DIP2C: variants seen among roughly 807,000 people sequenced by gnomAD.
DIP2C encodes the protein disco-interacting protein 2 homolog C.
Under a neutral mutation model 192.4 loss-of-function variants are expected in DIP2C, and 33 were observed. That is an observed-to-expected ratio of 0.17 (90% CI 0.13 to 0.23). The LOEUF (loss-of-function observed/expected upper bound fraction) is 0.23. DIP2C is among the 10% of genes least tolerant of loss of function. The pLI is 1.00. For missense variants in DIP2C, 1,537 were observed against 2,110.1 expected (o/e 0.73, Z 5.32); for synonymous variants, 979 against 864.1 (o/e 1.13, Z -2.33).
intron 1 of DIP2C, among the ~76,000 whole-genome samples, chr10:526,990 T>C (rs1295846188): frequency 6.6e-6 from 1 of 152,154 alleles, no homozygotes; most frequent in Non-Finnish European, 1.5e-5. Context: ...TAGGCCTCAG[T>C]AGGTGGAGGC....
intron 1 of DIP2C, among the ~76,000 whole-genome samples, chr10:679,213 C>G (rs1371677442): frequency 1.2e-4 from 2 of 16,512 alleles, no homozygotes; most frequent in African/African-American, 1.5e-4. Flanking sequence ...GCGCCCATCT[C>G]TACTCCCCAC....
intron 1 of DIP2C, among the ~76,000 whole-genome samples, chr10:543,581 T>TATAGTATGG (rs1848120080): frequency 6.6e-6 from 1 of 152,230 alleles, no homozygotes; most frequent in African/African-American, 2.4e-5. Context: ...GGCTGTAACA[T>TATAGTATGG]ATAGTATGGA....
intron 1 of DIP2C, among the ~76,000 whole-genome samples, chr10:587,572 C>T (rs1364664333): frequency 6.6e-6 from 1 of 152,118 alleles, no homozygotes; most frequent in Non-Finnish European, 1.5e-5. Context: ...TCGCTTCAGC[C>T]CTGACCCTCC....
At chr10:379,255 C>CA (rs1962093731) in intron 17 of DIP2C, among the ~76,000 whole-genome samples, 1 of 150,052 alleles carries the variant, frequency 6.7e-6, no homozygotes, top group Non-Finnish European at 1.5e-5. Flanking sequence ...CCCGCTACCC[C>CA]ACCCCAACCC....
chr10:543,051 T>A (rs576397882), intron 1 of DIP2C, among the ~76,000 whole-genome samples: 1 of 152,134 alleles, frequency 6.6e-6, no homozygotes, highest in African/African-American at 2.4e-5. Flanking sequence ...GTCAGAAACA[T>A]TGAGTGATGA....
At chr10:415,450 T>C (rs546338552) in intron 7 of DIP2C, among the ~76,000 whole-genome samples, 1 of 152,260 alleles carries the variant, frequency 6.6e-6, no homozygotes, top group East Asian at 1.9e-4. Flanking sequence ...AGCGAAGGAT[T>C]TCCCCAGTTT....
At chr10:334,987 G>C (rs1297720094) in intron 29 of DIP2C, among the ~76,000 whole-genome samples, 1 of 152,130 alleles carries the variant, frequency 6.6e-6, no homozygotes, top group Non-Finnish European at 1.5e-5. Context: ...AGCCTGCCAA[G>C]ATTTTGGTAG....
At chr10:342,608 G>A (rs1958211862) in intron 28 of DIP2C, among the ~76,000 whole-genome samples, 1 of 152,200 alleles carries the variant, frequency 6.6e-6, no homozygotes, top group Non-Finnish European at 1.5e-5. Flanking sequence ...AAGACCTGCT[G>A]GGTGGCTCAG....
chr10:298,970 AGATTT>A (rs1199785158), intron 32 of DIP2C, among the ~76,000 whole-genome samples: 4 of 152,240 alleles, frequency 2.6e-5, no homozygotes, highest in Non-Finnish European at 4.4e-5. Flanking sequence ...AAATAATTAT[AGATTT>A]GATATGTTTA....
chr10:492,620 G>A (rs4881346), intron 1 of DIP2C, among the ~76,000 whole-genome samples: 2,212 of 152,210 alleles, frequency 0.015, 89 homozygotes, highest in East Asian at 0.12. Context: ...ACACACACAC[G>A]CACACAAATA....
At chr10:568,554 TCAGGAGATCGAGAC>T (rs1292323898) in intron 1 of DIP2C, among the ~76,000 whole-genome samples, 1 of 151,600 alleles carries the variant, frequency 6.6e-6, no homozygotes, top group African/African-American at 2.4e-5. Flanking sequence ...GATCATGAGG[TCAGGAGATCGAGAC>T]CATCCTGGCT....
At chr10:649,893 G>A in intron 1 of DIP2C, 1 of 563,322 alleles carries the variant, frequency 1.8e-6, no homozygotes, top group South Asian at 2.1e-5. Flanking sequence ...GTCCCCTTGT[G>A]GGGGGGTGCC....
At chr10:387,678 T>G (rs1963083372) in intron 14 of DIP2C, 67 bp downstream of exon 14, 1 of 1,340,698 alleles carries the variant, frequency 7.5e-7, no homozygotes, top group Non-Finnish European at 1.0e-6. Context: ...GGGACTCCTG[T>G]GTGGACAGGC....
chr10:316,923 G>C (rs879010487), intron 31 of DIP2C, among the ~76,000 whole-genome samples: 5 of 152,128 alleles, frequency 3.3e-5, no homozygotes, highest in Admixed American at 2.6e-4. Flanking sequence ...TTTCTCCTAG[G>C]AAGAAATGTA....
At chr10:506,023 T>C (rs760081123) in intron 1 of DIP2C, among the ~76,000 whole-genome samples, 35 of 152,100 alleles carry the variant, frequency 2.3e-4, no homozygotes, top group Non-Finnish European at 4.0e-4. Context: ...AAGGAGGTTG[T>C]GACATCTACA....
At chr10:328,211 C>T (rs571914846) in intron 30 of DIP2C, among the ~76,000 whole-genome samples, 3 of 152,320 alleles carry the variant, frequency 2.0e-5, no homozygotes, top group African/African-American at 7.2e-5. Context: ...CAGAGTTAAA[C>T]AGGAAAAACT....
At chr10:300,680 G>A (rs1176228415) in intron 32 of DIP2C, among the ~76,000 whole-genome samples, 1 of 145,076 alleles carries the variant, frequency 6.9e-6, no homozygotes, top group East Asian at 2.1e-4. Context: ...CTGAGCGTGT[G>A]GAGAAGCCGG....
intron 22 of DIP2C, among the ~76,000 whole-genome samples, chr10:358,268 C>T (rs1959171712): frequency 6.6e-6 from 1 of 151,706 alleles, no homozygotes; most frequent in South Asian, 2.1e-4. Flanking sequence ...GGAAGACACA[C>T]ACAGAATTAA....
chr10:340,839 A>T (rs1324943941), intron 29 of DIP2C: 1 of 463,038 alleles, frequency 2.2e-6, no homozygotes, highest in Non-Finnish European at 4.3e-6. Flanking sequence ...GAGGGAGGTG[A>T]CAGCCTGCAA....
Sources: gnomAD v4.1 joint callset for allele counts (sites outside exome capture counted in the v4.1 genomes callset) on GRCh38, gnomAD v4.1.1 for gene constraint, MANE v1.5 for transcripts, NCBI Gene and HGNC (gene_info 2026-07-23, HGNC 2026-07-21) for gene names.